NFKB1: variants seen among roughly 807,000 people sequenced by gnomAD.
The protein encoded by NFKB1 is nuclear factor NF-kappa-B p105 subunit.
A neutral mutation model predicts 105.1 loss-of-function variants in NFKB1; 9 were observed. The observed-to-expected ratio is 0.09, with a 90% CI of 0.05 to 0.15. NFKB1 has a LOEUF of 0.15. Ranked by LOEUF, NFKB1 falls within the 10% of genes least tolerant of loss-of-function variation. The pLI is 1.00. For missense variants in NFKB1, 830 were observed against 1,203.7 expected (o/e 0.69, Z 4.59); for synonymous variants, 440 against 442.2 (o/e 1.00, Z 0.06).
intron 5 of NFKB1, among the ~76,000 whole-genome samples, chr4:102,544,826 C>T (rs1332988719): frequency 6.6e-6 from 1 of 152,082 alleles, no homozygotes; most frequent in Non-Finnish European, 1.5e-5. Flanking sequence ...GAGAGATATA[C>T]ACTCCTTGAA....
At chr4:102,560,831 A>C (rs1050766655) in intron 5 of NFKB1, among the ~76,000 whole-genome samples, 1 of 152,168 alleles carries the variant, frequency 6.6e-6, no homozygotes, top group African/African-American at 2.4e-5. Context: ...GGTCTTTACA[A>C]ATAATAGAGA....
At chr4:102,605,862 TA>T (rs1222976538) in intron 16 of NFKB1, among the ~76,000 whole-genome samples, 2 of 152,244 alleles carry the variant, frequency 1.3e-5, no homozygotes, top group South Asian at 2.1e-4. Flanking sequence ...TTTAATTTAG[TA>T]AATTTAGTTT....
chr4:102,552,748 C>A lies in NFKB1; in HGVS notation c.259-14239C>A, dbSNP rs72691872. Among the ~76,000 whole-genome samples the A allele has an allele frequency of 4.1e-3, 620 of 152,238 alleles. 1 individual carries two copies. The highest frequency in any genetic ancestry group is 6.0e-3 in the Non-Finnish European group (411 of 67,996). On this transcript the variant is annotated intron_variant, in intron 5 of 23. Coordinates refer to ENST00000226574, the MANE Select transcript of NFKB1 (RefSeq NM_003998.4). ...GTTTAGTCAGTTTATACAGGCTGAA[C>A]AACATAAAGTTAAGACATAAAAGGG...
At chr4:102,537,473 C>T (rs1741716203) in intron 4 of NFKB1, 1 of 154,752 alleles carries the variant, frequency 6.5e-6, no homozygotes, top group Non-Finnish European at 1.4e-5. Flanking sequence ...GGAAGCATAA[C>T]TTTTATTAAT....
chr4:102,502,343 G>C (rs1327445946), intron 1 of NFKB1, among the ~76,000 whole-genome samples: 4 of 133,924 alleles, frequency 3.0e-5, no homozygotes, highest in East Asian at 4.4e-4. Flanking sequence ...CTCGCTCTCT[G>C]TCTCTCTCTC....
intron 23 of NFKB1, 109 bp from the exon 24 acceptor site, chr4:102,616,325 G>A (rs1025589492): frequency 2.0e-5 from 23 of 1,161,644 alleles, no homozygotes; most frequent in Non-Finnish European, 7.5e-6. Context: ...TGGCATAGGT[G>A]GGATGTGTGG....
At chr4:102,561,281 TTGTG>T (rs545717717) in intron 5 of NFKB1, among the ~76,000 whole-genome samples, 1 of 123,744 alleles carries the variant, frequency 8.1e-6, no homozygotes, top group African/African-American at 3.1e-5. Flanking sequence ...TTTTTTTTTT[TTGTG>T]TGTGTGTGTG....
At chr4:102,603,307 G>A (rs570451741) in intron 16 of NFKB1, among the ~76,000 whole-genome samples, 6 of 152,132 alleles carry the variant, frequency 3.9e-5, no homozygotes, top group African/African-American at 4.8e-5. Flanking sequence ...TCCTGATCTC[G>A]TAATCTGCCA....
In NFKB1 at chr4:102,558,857, TAATCA is replaced by T. The variant is rs1479410447; in HGVS notation, c.259-8127_259-8123del. ...CCATCCTAATGGAGAAGAGAGGCAGTAATCAAAATACATGAAATGTGTAGTTATTA... is the reference window on the plus strand; with the variant it reads ...CCATCCTAATGGAGAAGAGAGGCAGTAAATACATGAAATGTGTAGTTATTA... On this transcript the variant is annotated intron_variant, in intron 5 of 23. Transcript: ENST00000226574. Among the ~76,000 whole-genome samples, 3 of 152,170 alleles carry T rather than the reference TAATCA, an allele frequency of 2.0e-5. No individual in the cohort carries two copies. The South Asian group carries it at 6.2e-4, about 32-fold the overall frequency.
chr4:102,532,823 A>G (rs230530), intron 3 of NFKB1, among the ~76,000 whole-genome samples: 56,868 of 152,030 alleles, frequency 0.37, 11,712 homozygotes, highest in South Asian at 0.48. Context: ...ATCTTAATTT[A>G]CATTCAAATA....
chr4:102,553,562 G>T (rs1026753290), intron 5 of NFKB1, among the ~76,000 whole-genome samples: 1 of 152,050 alleles, frequency 6.6e-6, no homozygotes, highest in African/African-American at 2.4e-5. Flanking sequence ...CATATCTAAT[G>T]TGTTCTACTT....
At chr4:102,559,800 G>A (rs896683770) in intron 5 of NFKB1, among the ~76,000 whole-genome samples, 2 of 151,630 alleles carry the variant, frequency 1.3e-5, no homozygotes, top group Admixed American at 6.6e-5. Context: ...TTAACCAGGT[G>A]TGGTGGCATG....
At chr4:102,506,099 C>G (rs1267506757) in intron 1 of NFKB1, among the ~76,000 whole-genome samples, 1 of 151,646 alleles carries the variant, frequency 6.6e-6, no homozygotes, top group Non-Finnish European at 1.5e-5. Context: ...CATTTATGAA[C>G]TAGAAAAAAA....
chr4:102,541,850 T>C (rs118882), intron 5 of NFKB1, among the ~76,000 whole-genome samples: 107,064 of 152,060 alleles, frequency 0.7, 38,515 homozygotes, highest in African/African-American at 0.84. Flanking sequence ...GCCTCTCTCC[T>C]TCCAACCTCA....
intron 11 of NFKB1, among the ~76,000 whole-genome samples, chr4:102,592,538 C>A (rs1726260149): frequency 6.6e-6 from 1 of 152,152 alleles, no homozygotes; most frequent in East Asian, 1.9e-4. Context: ...CCTGTTTTAG[C>A]AATAAAGTGT....
intron 11 of NFKB1, 134 bp downstream of exon 11, chr4:102,584,954 T>G (rs1239886210): frequency 2.7e-6 from 2 of 741,736 alleles, no homozygotes; most frequent in Non-Finnish European, 4.2e-6. Context: ...CAATCATAGC[T>G]CACTGCAACT....
chr4:102,606,068 T>C (rs768239292), intron 16 of NFKB1, among the ~76,000 whole-genome samples: 3 of 152,188 alleles, frequency 2.0e-5, no homozygotes, highest in Non-Finnish European at 4.4e-5. Context: ...CAGTGGGTTG[T>C]AGTGAGAAAC....
chr4:102,505,720 CTGTT>C (rs939400319), intron 1 of NFKB1, among the ~76,000 whole-genome samples: 15 of 151,984 alleles, frequency 9.9e-5, no homozygotes, highest in African/African-American at 2.9e-4. Context: ...AAAGAAAAAG[CTGTT>C]TGAGAGAATC....
intron 5 of NFKB1, among the ~76,000 whole-genome samples, chr4:102,543,999 A>G (rs149402029): frequency 5.5e-4 from 83 of 152,216 alleles, no homozygotes; most frequent in Non-Finnish European, 1.1e-3. Context: ...TTTGTAAACC[A>G]TGAGAAAAGC....
Sources: gnomAD v4.1 joint callset for allele counts (sites outside exome capture counted in the v4.1 genomes callset) on GRCh38, gnomAD v4.1.1 for gene constraint, MANE v1.5 for transcripts, NCBI Gene and HGNC (gene_info 2026-07-23, HGNC 2026-07-21) for gene names.